Variants in LRRC37A2 observed in about 807,000 individuals in gnomAD.
LRRC37A2 encodes the protein leucine rich repeat containing 37 member A2, also known as leucine-rich repeat-containing protein 37A2.
Under a neutral mutation model 68.8 loss-of-function variants are expected in LRRC37A2, and 9 were observed. The observed-to-expected ratio is 0.13, with a 90% CI of 0.08 to 0.23. The LOEUF is 0.23. Among genes scored for constraint, LRRC37A2 ranks in the 10% least tolerant of loss-of-function variants. The probability of loss-of-function intolerance (pLI) is 1.00; values close to 1 mark genes in which losing one functional copy is unlikely to be tolerated. For synonymous variants in LRRC37A2, 63 were observed against 367.6 expected (o/e 0.17, Z 9.48); for missense variants, 168 against 950.4 (o/e 0.18, Z 10.82).
the LRRC37A2 span, among the ~76,000 whole-genome samples, chr17:46,825,277 T>C: frequency 6.6e-6 from 1 of 152,108 alleles, no homozygotes; most frequent in Non-Finnish European, 1.5e-5. Flanking sequence ...CCCCTGTGTA[T>C]GGGACATAAG....
At chr17:46,710,999 A>G in the LRRC37A2 span, 4 of 1,597,524 alleles carry the variant, frequency 2.5e-6, no homozygotes, top group Middle Eastern at 1.7e-4. Context: ...TGCAAGTTAC[A>G]TTATGAACGG....
the LRRC37A2 span, chr17:46,948,572 T>G: frequency 6.6e-6 from 1 of 152,264 alleles, no homozygotes; most frequent in Admixed American, 6.5e-5. Flanking sequence ...CCAGCCTCAG[T>G]GTCCTCGTAG....
the LRRC37A2 span, among the ~76,000 whole-genome samples, chr17:46,740,818 C>G: frequency 6.6e-6 from 1 of 152,020 alleles, no homozygotes; most frequent in African/African-American, 2.4e-5. Context: ...TGCACCACCA[C>G]GTCCAGCTAA....
At chr17:46,774,441 A>G in the LRRC37A2 span, among the ~76,000 whole-genome samples, 1 of 152,164 alleles carries the variant, frequency 6.6e-6, no homozygotes, top group Non-Finnish European at 1.5e-5. Context: ...GCCTCCCAGT[A>G]TCTCCCCAAG....
the LRRC37A2 span, among the ~76,000 whole-genome samples, chr17:47,029,144 C>T: frequency 6.6e-6 from 1 of 152,022 alleles, no homozygotes; most frequent in Non-Finnish European, 1.5e-5. Flanking sequence ...TGCCACTACA[C>T]TCCAACCTCC....
chr17:46,750,403 G>A, the LRRC37A2 span, among the ~76,000 whole-genome samples: 4 of 152,134 alleles, frequency 2.6e-5, no homozygotes, highest in African/African-American at 9.7e-5. Context: ...GATTTTTTCA[G>A]ATTTTGGAAT....
At chr17:46,579,930 GCGACCAAT>G in the LRRC37A2 span, among the ~76,000 whole-genome samples, 1 of 140,352 alleles carries the variant, frequency 7.1e-6, no homozygotes, top group South Asian at 2.4e-4. Flanking sequence ...GATGCCATGT[GCGACCAAT>G]CAGAAAAGCA....
the LRRC37A2 span, among the ~76,000 whole-genome samples, chr17:46,822,884 C>A: frequency 6.6e-6 from 1 of 151,726 alleles, no homozygotes; most frequent in African/African-American, 2.4e-5. Flanking sequence ...ACCAGTTCTT[C>A]CTGGATCCCG....
At chr17:46,907,388 C>T in the LRRC37A2 span, among the ~76,000 whole-genome samples, 3 of 151,840 alleles carry the variant, frequency 2.0e-5, no homozygotes, top group South Asian at 4.2e-4. Context: ...ACTCGGGGCA[C>T]CTGGGGCCAG....
chr17:46,832,202 G>A, the LRRC37A2 span, among the ~76,000 whole-genome samples: 1 of 152,142 alleles, frequency 6.6e-6, no homozygotes, highest in African/African-American at 2.4e-5. Context: ...CGTGCCAAAG[G>A]TTGCCAACTT....
At chr17:46,827,800 C>CAGAAATTTCTTTCTTTTTT in the LRRC37A2 span, among the ~76,000 whole-genome samples, 49 of 151,194 alleles carry the variant, frequency 3.2e-4, no homozygotes, top group South Asian at 0.01. Context: ...TTTTTTGAGA[C>CAGAAATTTCTTTCTTTTTT]AGAAATTTCT....
At chr17:46,875,340 G>T in the LRRC37A2 span, 3 of 1,610,560 alleles carry the variant, frequency 1.9e-6, no homozygotes, top group Non-Finnish European at 2.5e-6. Context: ...ACGGGCAGAC[G>T]CCCACAATAC....
intron 11 of LRRC37A2, among the ~76,000 whole-genome samples, chr17:46,550,722 C>T (rs570576616): frequency 1.6e-4 from 22 of 135,762 alleles, no homozygotes; most frequent in Non-Finnish European, 3.3e-4. Context: ...GCTTTCAGAT[C>T]TCTGTGAATT....
At chr17:46,529,702 CAT>C (rs1023606363) in intron 6 of LRRC37A2, among the ~76,000 whole-genome samples, 3 of 74,540 alleles carry the variant, frequency 4.0e-5, no homozygotes, top group African/African-American at 1.1e-4. Context: ...ACACTCATAT[CAT>C]TTGGTTTGTG....
chr17:46,956,246 C>T, the LRRC37A2 span, among the ~76,000 whole-genome samples: 1 of 150,854 alleles, frequency 6.6e-6, no homozygotes, highest in South Asian at 2.1e-4. Context: ...AATCTCTACC[C>T]GCCTAAGGCC....
At chr17:46,703,706 A>C in the LRRC37A2 span, among the ~76,000 whole-genome samples, 1 of 130,504 alleles carries the variant, frequency 7.7e-6, no homozygotes, top group Admixed American at 8.0e-5. Flanking sequence ...AAAAAAAAAC[A>C]AAAAACAGAA....
At chr17:46,713,855 C>A in the LRRC37A2 span, 18 of 1,609,248 alleles carry the variant, frequency 1.1e-5, no homozygotes, top group Non-Finnish European at 1.5e-5. Context: ...TTATGCAGGC[C>A]CTCCTCACAG....
chr17:46,955,526 A>G, the LRRC37A2 span: 2 of 152,206 alleles, frequency 1.3e-5, no homozygotes, highest in African/African-American at 2.4e-5. Context: ...TATCTCAACA[A>G]GAGTCAAATA....
chr17:46,807,665 G>A, the LRRC37A2 span, among the ~76,000 whole-genome samples: 1 of 152,218 alleles, frequency 6.6e-6, no homozygotes. Flanking sequence ...GTATCCCAAA[G>A]ACAAGTCTTT....
Sources: gnomAD v4.1 joint callset for allele counts (sites outside exome capture counted in the v4.1 genomes callset) on GRCh38, gnomAD v4.1.1 for gene constraint, MANE v1.5 for transcripts, NCBI Gene and HGNC (gene_info 2026-07-23, HGNC 2026-07-21) for gene names.